NLGN1: variants seen among roughly 807,000 people sequenced by gnomAD.
NLGN1 encodes the protein neuroligin-1.
NLGN1 carries 12 observed loss-of-function variants against 65.5 expected under a neutral mutation model. The observed-to-expected ratio is 0.18, with a 90% CI of 0.12 to 0.30. The LOEUF (loss-of-function observed/expected upper bound fraction) is 0.30, where lower values mean the gene tolerates loss of function less well. Ranked by LOEUF, NLGN1 falls within the 10% of genes least tolerant of loss-of-function variation. The pLI is 1.00. For missense variants in NLGN1, 750 were observed against 1,007.1 expected (o/e 0.74, Z 3.46); for synonymous variants, 350 against 359.5 (o/e 0.97, Z 0.30).
At chr3:173,929,211 G>A (rs960987214) in intron 4 of NLGN1, among the ~76,000 whole-genome samples, 1 of 152,098 alleles carries the variant, frequency 6.6e-6, no homozygotes. Flanking sequence ...GGAGCAAAGC[G>A]CTCCTTGCCT....
At chr3:173,466,631 TTGA>T (rs1402572544) in intron 2 of NLGN1, among the ~76,000 whole-genome samples, 2 of 152,218 alleles carry the variant, frequency 1.3e-5, no homozygotes, top group Admixed American at 6.5e-5. Context: ...AAGTTGTTTA[TTGA>T]TGAATATTTT....
chr3:174,227,170 A>G (rs1739873403), intron 4 of NLGN1, among the ~76,000 whole-genome samples: 1 of 152,214 alleles, frequency 6.6e-6, no homozygotes, highest in Non-Finnish European at 1.5e-5. Context: ...GTCTTCAGGT[A>G]TAAAACACAA....
rs138137075 is a variant in NLGN1 at position 173,841,850 on chromosome 3, C to A, written c.646+34018C>A. 9.9e-5 allele frequency among the ~76,000 whole-genome samples: 15 copies of A among 152,208 alleles called. No homozygotes were observed. In the East Asian group the frequency reaches 2.7e-3, roughly 27 times the overall value. On this transcript the variant is annotated intron_variant, in intron 4 of 6. Transcript: ENST00000457714. ...GAAAAATGCTAGTTATTTTGACAGT[C>A]ATGGGTGACAGTTCAGAACCTCATT...
chr3:174,178,178 G>A (rs547894610), intron 4 of NLGN1, among the ~76,000 whole-genome samples: 1 of 152,144 alleles, frequency 6.6e-6, no homozygotes, highest in East Asian at 1.9e-4. Context: ...AGTGAACTAG[G>A]GCAGAAGCTT....
intron 4 of NLGN1, among the ~76,000 whole-genome samples, chr3:173,928,386 T>A (rs997973039): frequency 6.6e-6 from 1 of 152,180 alleles, no homozygotes; most frequent in Non-Finnish European, 1.5e-5. Flanking sequence ...CTTGAACTTT[T>A]CGAGTCTTAA....
At chr3:174,258,030 A>C (rs923106036) in intron 4 of NLGN1, among the ~76,000 whole-genome samples, 2 of 151,876 alleles carry the variant, frequency 1.3e-5, no homozygotes, top group African/African-American at 4.8e-5. Flanking sequence ...TTTAGGAATT[A>C]TATATGAGAA....
intron 4 of NLGN1, among the ~76,000 whole-genome samples, chr3:174,249,083 G>A (rs1329596464): frequency 6.6e-6 from 1 of 152,234 alleles, no homozygotes; most frequent in Admixed American, 6.5e-5. Flanking sequence ...GTCTCTTAAT[G>A]GTACAGCCTT....
chr3:173,399,459 A>G (rs1049658863), intron 1 of NLGN1: 2 of 152,184 alleles, frequency 1.3e-5, no homozygotes, highest in Admixed American at 1.3e-4. Flanking sequence ...TTATTTTGTG[A>G]AATTTTCCAC....
intron 4 of NLGN1, among the ~76,000 whole-genome samples, chr3:173,826,111 G>C (rs1721287793): frequency 1.3e-5 from 2 of 151,948 alleles, no homozygotes; most frequent in South Asian, 4.1e-4. Context: ...GCCATGATAG[G>C]CAACATTCTG....
intron 3 of NLGN1, among the ~76,000 whole-genome samples, chr3:173,706,583 G>T (rs4894626): frequency 0.72 from 109,263 of 152,062 alleles, 40,662 homozygotes; most frequent in East Asian, 0.83. Context: ...GTTTCTCTAA[G>T]TATAAAACTC....
chr3:173,474,134 C>CTCCTTT (rs1381029442), intron 2 of NLGN1, among the ~76,000 whole-genome samples: 1 of 152,018 alleles, frequency 6.6e-6, no homozygotes, highest in East Asian at 1.9e-4. Context: ...CCTCCCCCTC[C>CTCCTTT]TCCTTTTCCT....
chr3:174,238,782 T>C (rs948756429), intron 4 of NLGN1, among the ~76,000 whole-genome samples: 1 of 152,238 alleles, frequency 6.6e-6, no homozygotes, highest in African/African-American at 2.4e-5. Context: ...AGTATGTCTA[T>C]ATTTGTTTTC....
rs1395536322 is a variant in NLGN1, at chr3:173,751,069, A to G, written c.494-56611A>G. Among the ~76,000 whole-genome samples, 3 of 152,108 alleles carry G rather than the reference A, an allele frequency of 2.0e-5. No homozygotes were observed. In the East Asian group the frequency reaches 5.8e-4, roughly 29 times the overall value. ...AAAAGGTCAGGTGTTTAGCCATGTG[A>G]CAAATGTGTTTTTTGAAACTGTGGA... On this transcript the variant is annotated intron_variant, in intron 3 of 6. Coordinates refer to ENST00000457714, the Ensembl canonical transcript of NLGN1.
intron 4 of NLGN1, among the ~76,000 whole-genome samples, chr3:173,871,801 A>G (rs1731214497): frequency 6.6e-6 from 1 of 152,162 alleles, no homozygotes; most frequent in Non-Finnish European, 1.5e-5. Context: ...ACAGGCCTGG[A>G]TACCGGAGTT....
intron 4 of NLGN1, among the ~76,000 whole-genome samples, chr3:173,824,634 GTA>G (rs1191069057): frequency 6.6e-6 from 1 of 152,026 alleles, no homozygotes; most frequent in African/African-American, 2.4e-5. Context: ...GAAAGGGTAT[GTA>G]TATTTTAAAA....
chr3:173,495,702 A>T (rs807154), intron 2 of NLGN1, among the ~76,000 whole-genome samples: 4 of 142,098 alleles, frequency 2.8e-5, no homozygotes, highest in South Asian at 2.2e-4. Flanking sequence ...AAAAAACTCT[A>T]TTGAGGTATA....
intron 2 of NLGN1, among the ~76,000 whole-genome samples, chr3:173,448,555 A>G (rs1720836080): frequency 1.3e-5 from 2 of 152,208 alleles, no homozygotes; most frequent in Non-Finnish European, 2.9e-5. Flanking sequence ...AGGCTTTGGT[A>G]TCAGGATGAT....
At chr3:173,424,997 T>G (rs1715836662) in intron 1 of NLGN1, among the ~76,000 whole-genome samples, 1 of 152,182 alleles carries the variant, frequency 6.6e-6, no homozygotes, top group African/African-American at 2.4e-5. Context: ...AGAAAGAGGC[T>G]TAATTGACTC....
At chr3:173,935,195 T>C (rs1332551036) in intron 4 of NLGN1, among the ~76,000 whole-genome samples, 1 of 151,912 alleles carries the variant, frequency 6.6e-6, no homozygotes, top group Non-Finnish European at 1.5e-5. Context: ...TCCAACCTGG[T>C]TTTTTAGCAA....
Sources: gnomAD v4.1 joint callset for allele counts (sites outside exome capture counted in the v4.1 genomes callset) on GRCh38, gnomAD v4.1.1 for gene constraint, MANE v1.5 for transcripts, NCBI Gene and HGNC (gene_info 2026-07-23, HGNC 2026-07-21) for gene names.